The following GZF1 variants were observed in gnomAD, a reference collection of about 807,000 sequenced individuals.
GZF1 encodes GDNF-inducible zinc finger protein 1.
Under a neutral mutation model 49.4 loss-of-function variants are expected in GZF1, and 28 were observed. The ratio of observed to expected loss-of-function variants is 0.57; its 90% CI spans 0.42 to 0.78. GZF1 has a LOEUF of 0.78. Among genes scored for constraint, GZF1 ranks in the 30% least tolerant of loss-of-function variants. The pLI is 0.00. For synonymous variants in GZF1, 364 were observed against 356.0 expected, an observed-to-expected ratio of 1.02 and a Z score of -0.25; for missense variants, 798 against 916.2, an observed-to-expected ratio of 0.87 and a Z score of 1.67.
chr20:23,365,120 A>AGCAGCAGAG lies in GZF1; in HGVS notation c.745_746insGGCAGCAGA (p.Gln248_Lys249insArgGlnGln). The AGCAGCAGAG allele has an allele frequency of 6.2e-7, 1 of 1,614,030 alleles. No individual in the cohort carries two copies. Among genetic ancestry groups the AGCAGCAGAG allele is most frequent in the Non-Finnish European group, 8.5e-7 (1 of 1,180,040 alleles). ...AAGAAATATACGAGAAGACTCCGAG[A>AGCAGCAGAG]GCAGCAGAAAACTGCTGAGGGTGAT... On this transcript the variant is annotated inframe_insertion, in exon 2 of 6. Coordinates refer to ENST00000338121, the MANE Select transcript of GZF1 (RefSeq NM_022482.5).
Position 23,369,569 on chromosome 20 carries a change from C to G in GZF1, c.1628-15C>G. On this transcript the variant is annotated splice_polypyrimidine_tract_variant and intron_variant, in intron 4 of 5. Coordinates refer to ENST00000338121, the MANE Select transcript of GZF1 (RefSeq NM_022482.5). ...CAAAGGGACCCACCAGCAGTCTCCT[C>G]TCTCCCTGCCTCAGGGGAGCGTCCC... The G allele has an allele frequency of 6.3e-7, 1 of 1,598,424 alleles. No homozygotes were observed. Among genetic ancestry groups the G allele is most frequent in the Non-Finnish European group, 8.5e-7 (1 of 1,171,110 alleles).
At chr20:23,361,214 G>A (rs534927537), upstream of GZF1, among the ~76,000 whole-genome samples, 1 of 152,320 alleles carries the variant, frequency 6.6e-6, no homozygotes, top group South Asian at 2.1e-4. Flanking sequence ...TGAGTTAACT[G>A]CTGGCCACAG....
At chr20:23,369,826 G>C in intron 5 of GZF1, 85 bp downstream of exon 5, 1 of 1,424,816 alleles carries the variant, frequency 7.0e-7, no homozygotes, top group Non-Finnish European at 9.6e-7. Flanking sequence ...ATTCTCCAAG[G>C]TGGTTAGAGG....
intron 5 of GZF1, 148 bp from the exon 6 acceptor site, chr20:23,369,943 G>A: frequency 5.7e-6 from 5 of 870,896 alleles, no homozygotes; most frequent in Non-Finnish European, 8.9e-6. Flanking sequence ...CACCATCCAC[G>A]ATGACTACTC....
At chr20:23,361,164 C>A (rs1201243919), upstream of GZF1, among the ~76,000 whole-genome samples, 1 of 152,188 alleles carries the variant, frequency 6.6e-6, no homozygotes, top group South Asian at 2.1e-4. Flanking sequence ...TCCTGACAGT[C>A]CCCAAACATT....
rs1981089300 is a variant in GZF1, at chr20:23,364,689, A to G, written c.306A>G (p.Glu102=). The G allele has an allele frequency of 6.2e-7, 1 of 1,614,164 alleles. No individual in the cohort carries two copies. Among genetic ancestry groups the G allele is most frequent in the African/African-American group, 1.3e-5 (1 of 74,954 alleles). Reference sequence around the variant, plus strand: ...TCTACACTGCAAAGGTACAGGTGGAAGAAGATCGGGTGCAGCGAATGCTGG... The same window carrying G: ...TCTACACTGCAAAGGTACAGGTGGAGGAAGATCGGGTGCAGCGAATGCTGG... ...EFVYTAKVQV[E]EDRVQRMLEV... Residue 102 remains glutamate (E), a synonymous_variant, in exon 2 of 6, where the codon GAA becomes GAG. Coordinates refer to ENST00000338121, the MANE Select transcript of GZF1 (RefSeq NM_022482.5).
Position 23,364,704 on chromosome 20 carries a change from G to A in GZF1, c.321G>A (p.Gln107=). 1 of 1,614,268 alleles carries A rather than the reference G, an allele frequency of 6.2e-7. No homozygotes were observed. The change falls in exon 2 of 6, where the codon CAG becomes CAA. Residue 107 remains glutamine (Q), a synonymous_variant. Coordinates refer to ENST00000338121, the MANE Select transcript of GZF1 (RefSeq NM_022482.5). ...TACAGGTGGAAGAAGATCGGGTGCA[G>A]CGAATGCTGGAAGTGGCTGAAAAGC... is the stretch of plus-strand genomic sequence containing the variant. ...AKVQVEEDRV[Q]RMLEVAEKLK...
intron 3 of GZF1, 127 bp from the exon 4 acceptor site, chr20:23,368,635 G>A (rs1981689933): frequency 4.0e-6 from 2 of 501,698 alleles, no homozygotes; most frequent in Admixed American, 4.0e-5. Context: ...AGTTTTTACT[G>A]GAAAATGTAA....
At chr20:23,365,788 A>G in intron 2 of GZF1, 41 bp downstream of exon 2, 1 of 1,472,360 alleles carries the variant, frequency 6.8e-7, no homozygotes, top group Non-Finnish European at 9.0e-7. Flanking sequence ...GCGCACTGGA[A>G]GGGTGTGTCA....
At position 23,365,461 on chromosome 20, in the gene GZF1, CG is replaced by C; in HGVS notation, c.1079del (p.Arg360ProfsTer4). 6.2e-7 allele frequency: 1 copy of C among 1,613,834 alleles called. No individual in the cohort carries two copies. Among genetic ancestry groups the C allele is most frequent in the Non-Finnish European group, 8.5e-7 (1 of 1,180,030 alleles). On this transcript the variant is annotated frameshift_variant, in exon 2 of 6. Transcript: ENST00000338121. LOFTEE classifies it high-confidence loss of function. ...CDTCGQTFANRCNLKSHQRHV... is the reference protein window; with the variant it reads ...CDTCGQTFANXCNLKSHQRHV... ...CACCTGCGGCCAGACCTTCGCCAAC[CG>C]CTGCAACCTGAAGAGCCACCAGCGC... is the stretch of plus-strand genomic sequence containing the variant.
At chr20:23,368,624 T>TA (rs1342026858) in intron 3 of GZF1, 138 bp from the exon 4 acceptor site, 3 of 473,222 alleles carry the variant, frequency 6.3e-6, no homozygotes, top group African/African-American at 6.0e-5. Context: ...TATTTTATGA[T>TA]AGTTTTTACT....
chr20:23,368,689 C>T (rs1044725032), intron 3 of GZF1, 73 bp from the exon 4 acceptor site: 1 of 1,185,688 alleles, frequency 8.4e-7, no homozygotes, highest in Non-Finnish European at 1.1e-6. Flanking sequence ...TGGGTTTTAA[C>T]AGTGGAGACC....
chr20:23,366,166 T>C (rs897455291), intron 2 of GZF1, among the ~76,000 whole-genome samples: 1 of 152,234 alleles, frequency 6.6e-6, no homozygotes, highest in Non-Finnish European at 1.5e-5. Flanking sequence ...CTCTGGTCTT[T>C]TGGTTCTCAG....
chr20:23,370,345 C>T lies in GZF1; in HGVS notation c.2040C>T (p.Asp680=). The T allele has an allele frequency of 1.9e-6, 3 of 1,613,768 alleles. No individual in the cohort carries two copies. Among genetic ancestry groups the T allele is most frequent in the Non-Finnish European group, 2.5e-6 (3 of 1,179,670 alleles). Residue 680 remains aspartate (D), a synonymous_variant, in exon 6 of 6, where the codon GAC becomes GAT. Coordinates refer to ENST00000338121, the MANE Select transcript of GZF1 (RefSeq NM_022482.5). ...CKADDSVVSQ[D]TLLATTISEL... ...CAGATGACTCCGTGGTGTCCCAGGA[C>T]ACCCTCCTGGCCACCACCATCAGTG...
At chr20:23,362,077 C>T (rs1430803850), upstream of GZF1, 1 of 152,260 alleles carries the variant, frequency 6.6e-6, no homozygotes, top group Non-Finnish European at 1.5e-5. Context: ...CAGCCCCTTC[C>T]TCAGCCCCGC....
rs1362639263 is a variant in GZF1, at chr20:23,372,046, A to G, written c.*1605A>G. On this transcript the variant is annotated 3_prime_UTR_variant, in exon 6 of 6. Coordinates refer to ENST00000338121, the MANE Select transcript of GZF1 (RefSeq NM_022482.5). ...GTCACTGTATCCTAGTTATGTTTAC[A>G]GCACAAATAAATAATGACTGTCATA... 6.5e-6 allele frequency: 1 copy of G among 152,682 alleles called. No individual in the cohort carries two copies. The highest frequency in any genetic ancestry group is 1.5e-5 in the Non-Finnish European group (1 of 68,042). 9.5% of individuals were successfully genotyped at this position (152,682 alleles called of 1,614,324 possible).
intron 5 of GZF1, 51 bp from the exon 6 acceptor site, chr20:23,370,040 C>T: frequency 2.8e-6 from 4 of 1,453,660 alleles, no homozygotes; most frequent in Non-Finnish European, 2.9e-6. Flanking sequence ...TTAAAAGATG[C>T]ACTTGTCCAG....
chr20:23,369,021 A>C, intron 4 of GZF1, 92 bp downstream of exon 4: 3 of 1,131,374 alleles, frequency 2.7e-6, no homozygotes, highest in Non-Finnish European at 3.7e-6. Context: ...ACTTGGAACT[A>C]AGCTTTTGAA....
chr20:23,361,743 G>A (rs1159243664), upstream of GZF1, among the ~76,000 whole-genome samples: 2 of 152,238 alleles, frequency 1.3e-5, no homozygotes, highest in African/African-American at 4.8e-5. Flanking sequence ...CGGCCTCGGG[G>A]ACGTGAGCAG....
Sources: allele counts gnomAD v4.1 joint callset (sites outside exome capture counted in the v4.1 genomes callset), GRCh38; gene constraint gnomAD v4.1.1; transcripts MANE v1.5; gene names NCBI Gene and HGNC (gene_info 2026-07-23, HGNC 2026-07-21).